RABGEF1: variants seen among roughly 807,000 people sequenced by gnomAD.
RABGEF1 encodes RAB guanine nucleotide exchange factor 1, also known as rab5 GDP/GTP exchange factor.
Under a neutral mutation model 57.3 loss-of-function variants are expected in RABGEF1, and 26 were observed. That is an observed-to-expected ratio of 0.45 (90% CI 0.33 to 0.63). The LOEUF (loss-of-function observed/expected upper bound fraction) is 0.63. Ranked by LOEUF, RABGEF1 falls within the 20% of genes least tolerant of loss-of-function variation. The probability of loss-of-function intolerance (pLI) is 0.02; values close to 1 mark genes in which losing one functional copy is unlikely to be tolerated. For synonymous variants in RABGEF1, 185 were observed against 210.7 expected (o/e 0.88, Z 1.06); for missense variants, 464 against 607.6 (o/e 0.76, Z 2.48).
intron 3 of RABGEF1, among the ~76,000 whole-genome samples, chr7:66,780,612 C>A (rs1019282972): frequency 6.6e-6 from 1 of 152,156 alleles, no homozygotes; most frequent in Non-Finnish European, 1.5e-5. Context: ...TTTTAAAAAT[C>A]ACCTCTCTGT....
intron 1 of RABGEF1, among the ~76,000 whole-genome samples, chr7:66,764,810 G>T (rs1276556683): frequency 6.6e-6 from 1 of 152,290 alleles, no homozygotes; most frequent in Middle Eastern, 3.4e-3. Flanking sequence ...ATTCTATTCC[G>T]TTGATTTCTA....
chr7:66,743,564 C>G (rs901962522), intron 1 of RABGEF1, among the ~76,000 whole-genome samples: 8 of 151,634 alleles, frequency 5.3e-5, no homozygotes, highest in African/African-American at 1.2e-4. Context: ...TGCAGTGGCG[C>G]GATCTCGGCT....
intron 2 of RABGEF1, among the ~76,000 whole-genome samples, chr7:66,717,097 C>T (rs1188155463): frequency 6.6e-6 from 1 of 152,130 alleles, no homozygotes; most frequent in African/African-American, 2.4e-5. Context: ...TTTTTTATGC[C>T]TCACTGTTTC....
At chr7:66,660,247 C>A in the RABGEF1 span, among the ~76,000 whole-genome samples, 4 of 151,550 alleles carry the variant, frequency 2.6e-5, no homozygotes, top group Non-Finnish European at 4.4e-5. Context: ...ACTCAGGAGG[C>A]TGAGGCAGGA....
At chr7:66,692,291 T>G (rs935316610) in intron 1 of RABGEF1, among the ~76,000 whole-genome samples, 2 of 152,120 alleles carry the variant, frequency 1.3e-5, no homozygotes, top group African/African-American at 4.8e-5. Context: ...AGCGGACCCT[T>G]TCTTTGTTGG....
intron 4 of RABGEF1, among the ~76,000 whole-genome samples, chr7:66,788,896 A>G (rs1193100451): frequency 1.3e-5 from 2 of 152,142 alleles, no homozygotes; most frequent in African/African-American, 4.8e-5. Flanking sequence ...CCAAGGTTGC[A>G]GTTAGCCAAG....
chr7:66,682,586 A>T (rs1789936172), intron 1 of RABGEF1, among the ~76,000 whole-genome samples: 1 of 151,884 alleles, frequency 6.6e-6, no homozygotes. Context: ...TCCGGCTCCC[A>T]CTTCCCCGTC....
chr7:66,742,910 C>G (rs893652083), intron 1 of RABGEF1, among the ~76,000 whole-genome samples: 4 of 152,104 alleles, frequency 2.6e-5, no homozygotes, highest in African/African-American at 7.2e-5. Context: ...CCTGGAGGGT[C>G]GTTACTAAAG....
chr7:66,676,230 C>G, the RABGEF1 span, among the ~76,000 whole-genome samples: 1 of 151,990 alleles, frequency 6.6e-6, no homozygotes, highest in Non-Finnish European at 1.5e-5. Flanking sequence ...TTGCAGTGAG[C>G]CAAGATTGTG....
chr7:66,787,541 T>TA (rs1198654505), intron 4 of RABGEF1, among the ~76,000 whole-genome samples: 1 of 150,606 alleles, frequency 6.6e-6, no homozygotes, highest in Non-Finnish European at 1.5e-5. Context: ...GATGGGGTGT[T>TA]ACTCTGTTAG....
At chr7:66,749,285 T>C (rs1800888890) in intron 1 of RABGEF1, among the ~76,000 whole-genome samples, 1 of 152,190 alleles carries the variant, frequency 6.6e-6, no homozygotes, top group South Asian at 2.1e-4. Context: ...GAGCCATGCA[T>C]TGTGTTAATG....
upstream of RABGEF1, among the ~76,000 whole-genome samples, chr7:66,678,289 G>A (rs1323774107): frequency 1.3e-5 from 2 of 152,018 alleles, no homozygotes; most frequent in African/African-American, 4.8e-5. Flanking sequence ...CAGTAGGCCG[G>A]GCGCGGTGGC....
intron 1 of RABGEF1, among the ~76,000 whole-genome samples, chr7:66,695,608 G>A (rs535515381): frequency 3.0e-4 from 45 of 152,032 alleles, no homozygotes; most frequent in Admixed American, 1.2e-3. Context: ...TCGTGAGAAA[G>A]TGAGGGATTA....
At chr7:66,754,404 A>C (rs1192714756) in intron 1 of RABGEF1, among the ~76,000 whole-genome samples, 1 of 151,024 alleles carries the variant, frequency 6.6e-6, no homozygotes, top group Non-Finnish European at 1.5e-5. Context: ...TCATACTTTA[A>C]TATCTTTCAG....
intron 1 of RABGEF1, among the ~76,000 whole-genome samples, chr7:66,701,304 G>T (rs1486826609): frequency 6.6e-6 from 1 of 151,658 alleles, no homozygotes; most frequent in Non-Finnish European, 1.5e-5. Context: ...CTTGAGACTA[G>T]CCTAGGCAAC....
the RABGEF1 span, among the ~76,000 whole-genome samples, chr7:66,660,358 AAAAG>A: frequency 7.2e-5 from 11 of 151,988 alleles, no homozygotes; most frequent in Admixed American, 1.3e-4. Flanking sequence ...AAAAAAAAAA[AAAAG>A]AAAGAAAAAA....
intron 1 of RABGEF1, among the ~76,000 whole-genome samples, chr7:66,705,484 A>G (rs866266140): frequency 2.2e-4 from 30 of 137,576 alleles, no homozygotes; most frequent in Middle Eastern, 7.2e-3. Flanking sequence ...AGAGAGAGAG[A>G]GAGGAGGGGG....
At chr7:66,806,048 A>G (rs2129192030) in intron 8 of RABGEF1, among the ~76,000 whole-genome samples, 1 of 151,954 alleles carries the variant, frequency 6.6e-6, no homozygotes, top group Admixed American at 6.6e-5. Context: ...CCTGACCTGA[A>G]TTCTTCCTTT....
At chr7:66,741,894 T>G (rs1377146278) in intron 1 of RABGEF1, among the ~76,000 whole-genome samples, 2 of 151,966 alleles carry the variant, frequency 1.3e-5, no homozygotes, top group Admixed American at 1.3e-4. Flanking sequence ...TCCCAGCATT[T>G]GGAAGGCCAA....
Sources: allele counts gnomAD v4.1 joint callset (sites outside exome capture counted in the v4.1 genomes callset), GRCh38; gene constraint gnomAD v4.1.1; transcripts MANE v1.5; gene names NCBI Gene and HGNC (gene_info 2026-07-23, HGNC 2026-07-21).